The following RBMS2 variants were observed in gnomAD, a reference collection of about 807,000 sequenced individuals.
RBMS2 encodes the protein RNA binding motif single stranded interacting protein 2.
Under a neutral mutation model 58.4 loss-of-function variants are expected in RBMS2, and 38 were observed. The ratio of observed to expected loss-of-function variants is 0.65; its 90% confidence interval spans 0.50 to 0.85. The LOEUF (loss-of-function observed/expected upper bound fraction) is 0.85. Ranked by LOEUF, RBMS2 falls within the 40% of genes least tolerant of loss-of-function variation. RBMS2 has a pLI of 0.00. For missense variants in RBMS2, 367 were observed against 503.7 expected, an observed-to-expected ratio of 0.73 and a Z score of 2.60; for synonymous variants, 151 against 180.7, an observed-to-expected ratio of 0.84 and a Z score of 1.32.
At chr12:56,570,386 C>G (rs1338485939) in intron 4 of RBMS2, among the ~76,000 whole-genome samples, 1 of 152,146 alleles carries the variant, frequency 6.6e-6, no homozygotes, top group Non-Finnish European at 1.5e-5. Context: ...CTCTCCACCT[C>G]CTAATGTTGT....
intron 1 of RBMS2, among the ~76,000 whole-genome samples, chr12:56,532,309 G>A (rs568417220): frequency 6.6e-5 from 10 of 152,078 alleles, no homozygotes; most frequent in Admixed American, 2.6e-4. Context: ...TTGGGAGGCC[G>A]AGGCAGGCAG....
At chr12:56,562,232 G>A (rs1880560277) in intron 1 of RBMS2, among the ~76,000 whole-genome samples, 185 bp from the exon 2 acceptor site, 1 of 152,222 alleles carries the variant, frequency 6.6e-6, no homozygotes, top group Non-Finnish European at 1.5e-5. Context: ...ATCTCACAAT[G>A]TGGTATTAAT....
intron 2 of RBMS2, among the ~76,000 whole-genome samples, chr12:56,564,371 G>A (rs1426224711): frequency 1.3e-5 from 2 of 151,958 alleles, no homozygotes; most frequent in Non-Finnish European, 2.9e-5. Flanking sequence ...ATGTCCCTAC[G>A]CTTTTTTTTC....
intron 1 of RBMS2, among the ~76,000 whole-genome samples, chr12:56,543,479 T>C (rs56967250): frequency 0.95 from 140,414 of 148,544 alleles, 66,724 homozygotes; most frequent in East Asian, 1. Context: ...AGCAAGACTC[T>C]GTCTCAAAAA....
At chr12:56,554,014 A>T (rs1303513781) in intron 1 of RBMS2, among the ~76,000 whole-genome samples, 1 of 150,804 alleles carries the variant, frequency 6.6e-6, no homozygotes, top group Non-Finnish European at 1.5e-5. Flanking sequence ...TAGTAGAGAC[A>T]GGGTTTCAGC....
In RBMS2 at chr12:56,595,309, T is replaced by C. The variant is rs866347694; in HGVS notation, c.*6176T>C. On this transcript the variant is annotated 3_prime_UTR_variant, in exon 14 of 14. Transcript: ENST00000262031. Reference sequence around the variant, plus strand: ...AGTTTCCAGGCTGGAGGGTAATACATATCCAGCGCGAGTGAAGTCCCCACT... The same window carrying C: ...AGTTTCCAGGCTGGAGGGTAATACACATCCAGCGCGAGTGAAGTCCCCACT... 2.6e-5 allele frequency: 4 copies of C among 152,196 alleles called. No individual in the cohort carries two copies. Among genetic ancestry groups the C allele is most frequent in the Admixed American group, 6.5e-5 (1 of 15,278 alleles). The allele number at this position is 152,196 out of a possible 1,614,324, so 9.4% of individuals were successfully genotyped here. A position where few individuals can be genotyped will look rare whatever the true frequency, so the allele number is the denominator to read the frequency against.
intron 2 of RBMS2, among the ~76,000 whole-genome samples, chr12:56,566,658 A>C (rs1881394644): frequency 6.6e-6 from 1 of 152,128 alleles, no homozygotes; most frequent in South Asian, 2.1e-4. Flanking sequence ...TCTCTACTAA[A>C]AAATACCAAA....
chr12:56,587,491 T>C, intron 10 of RBMS2, 63 bp from the exon 11 acceptor site: 1 of 1,546,352 alleles, frequency 6.5e-7, no homozygotes, highest in Non-Finnish European at 8.8e-7. Flanking sequence ...CAGCCACCGA[T>C]CACTGCTTTA....
intron 5 of RBMS2, chr12:56,572,828 C>A: frequency 3.0e-6 from 3 of 984,806 alleles, no homozygotes; most frequent in Non-Finnish European, 2.4e-6. Flanking sequence ...AATTCTGCAC[C>A]TGTGATATCA....
At chr12:56,525,465 G>A (rs764258697) in intron 1 of RBMS2, among the ~76,000 whole-genome samples, 20 of 152,020 alleles carry the variant, frequency 1.3e-4, no homozygotes, top group Non-Finnish European at 1.2e-4. Flanking sequence ...CAAGCAATCT[G>A]CCTGCCTCGG....
At chr12:56,567,284 C>T (rs1342947925) in intron 2 of RBMS2, among the ~76,000 whole-genome samples, 1 of 151,588 alleles carries the variant, frequency 6.6e-6, no homozygotes, top group Admixed American at 6.6e-5. Flanking sequence ...ACTCGGGAGG[C>T]TGAGGCAGGA....
intron 5 of RBMS2, among the ~76,000 whole-genome samples, chr12:56,575,060 A>G (rs1882909246): frequency 6.6e-6 from 1 of 151,962 alleles, no homozygotes; most frequent in Admixed American, 6.6e-5. Context: ...GATGCTGGAG[A>G]ATGGTGTGAA....
intron 2 of RBMS2, among the ~76,000 whole-genome samples, chr12:56,565,801 A>C (rs1881249529): frequency 6.6e-6 from 1 of 151,838 alleles, no homozygotes; most frequent in Non-Finnish European, 1.5e-5. Flanking sequence ...GCTGGATCCT[A>C]AAGTCTGGCA....
At chr12:56,578,008 A>G (rs529009874) in intron 5 of RBMS2, among the ~76,000 whole-genome samples, 52 of 152,070 alleles carry the variant, frequency 3.4e-4, no homozygotes, top group African/African-American at 1.2e-3. Flanking sequence ...ATTTTTTTGT[A>G]GAGTTGGAGT....
intron 1 of RBMS2, among the ~76,000 whole-genome samples, chr12:56,557,580 TTTC>T (rs762102384): frequency 2.0e-5 from 3 of 152,146 alleles, no homozygotes; most frequent in Non-Finnish European, 4.4e-5. Context: ...GAAAAGTTGT[TTTC>T]TTCTGAGCCG....
rs1038299304 is a variant in RBMS2, at chr12:56,589,019, G to A, written c.*6+1G>A. 1.9e-6 allele frequency: 3 copies of A among 1,614,104 alleles called. No homozygotes were observed. The African/African-American group carries it at 4.0e-5, about 22-fold the overall frequency. On this transcript the variant is annotated splice_donor_variant, in intron 13 of 13. Transcript: ENST00000262031. LOFTEE classifies it low-confidence loss of function (3UTR_SPLICE). ...TTTCCAGTTCAACAAGTAACAGTGG[G>A]TAAGAACCACATGCTGGGGGGCAGG...
Position 56,588,996 on chromosome 12 carries a change from T to C in RBMS2, c.1208T>C (p.Phe403Ser), listed in dbSNP as rs140314358. ...DAPSEHGVYS[F>S]QFNK ...CCCTCAGAGCATGGGGTCTATTCTT[T>C]CCAGTTCAACAAGTAACAGTGGGTA... Residue 403 changes from phenylalanine to serine, a missense_variant, in exon 13 of 14, where the codon TTC becomes TCC. Phe to Ser is a radical substitution (Grantham distance 155, BLOSUM62 -2). Transcript: ENST00000262031. 2.5e-6 allele frequency: 4 copies of C among 1,614,026 alleles called. No individual in the cohort carries two copies. Among genetic ancestry groups the C allele is most frequent in the Admixed American group, 1.7e-5 (1 of 59,996 alleles).
chr12:56,526,041 T>TC (rs1341720929), intron 1 of RBMS2, among the ~76,000 whole-genome samples: 1 of 151,962 alleles, frequency 6.6e-6, no homozygotes, highest in Non-Finnish European at 1.5e-5. Flanking sequence ...ACTTTGGTGC[T>TC]CACGCCTGTA....
At position 56,580,813 on chromosome 12, in the gene RBMS2, T is replaced by C. The variant is rs533125955; in HGVS notation, c.543-371T>C. Among the ~76,000 whole-genome samples, 4 of 152,346 alleles carry C rather than the reference T, an allele frequency of 2.6e-5. No individual in the cohort carries two copies. In the East Asian group the frequency reaches 7.7e-4, roughly 29 times the overall value. On this transcript the variant is annotated intron_variant, in intron 5 of 13. Transcript: ENST00000262031. ...AATAAATATTGGCAAATTCTTAGCT[T>C]GTACAATTTTATCAAATTAAAGGAA...
Sources: allele counts gnomAD v4.1 joint callset (sites outside exome capture counted in the v4.1 genomes callset), GRCh38; gene constraint gnomAD v4.1.1; transcripts MANE v1.5; gene names NCBI Gene and HGNC (gene_info 2026-07-23, HGNC 2026-07-21).